ATP11A: variants seen among roughly 807,000 people sequenced by gnomAD.
ATP11A encodes phospholipid-transporting ATPase IH.
ATP11A carries 81 observed loss-of-function variants against 154.4 expected under a neutral mutation model. The ratio of observed to expected loss-of-function variants is 0.52; its 90% CI spans 0.44 to 0.63. The LOEUF (loss-of-function observed/expected upper bound fraction) is 0.63. ATP11A is among the 30% of genes least tolerant of loss of function. ATP11A has a pLI of 0.00. For synonymous variants in ATP11A, 623 were observed against 585.9 expected (o/e 1.06, Z -0.91); for missense variants, 1,316 against 1,474.3 (o/e 0.89, Z 1.76).
chr13:112,792,158 C>G (rs183176151), intron 2 of ATP11A, among the ~76,000 whole-genome samples: 216 of 152,264 alleles, frequency 1.4e-3, no homozygotes, highest in African/African-American at 4.7e-3. Flanking sequence ...GGCAATACCT[C>G]TTTTGCTAAT....
Position 112,884,295 on chromosome 13 carries a change from A to G in ATP11A, c.*2429A>G, listed in dbSNP as rs927809130. 1 of 152,656 alleles carries G rather than the reference A, an allele frequency of 6.6e-6. No homozygotes were observed. Among genetic ancestry groups the G allele is most frequent in the African/African-American group, 2.4e-5 (1 of 41,456 alleles). 9.5% of individuals were successfully genotyped at this position (152,656 alleles called of 1,614,324 possible). A position where few individuals can be genotyped will look rare whatever the true frequency, so the allele number is the denominator to read the frequency against. On this transcript the variant is annotated 3_prime_UTR_variant, in exon 30 of 30. Transcript: ENST00000375645. ...TTTCTATGTTTCATTGTTAATTGCC[A>G]TCCTTCAGCCTTAAAAATAGAAGAT... is the stretch of plus-strand genomic sequence containing the variant.
chr13:112,825,662 C>G (rs559034428), intron 11 of ATP11A, 82 bp downstream of exon 11: 1 of 1,463,194 alleles, frequency 6.8e-7, no homozygotes. Context: ...AAAAAGATGA[C>G]GGTGAATTTA....
chr13:112,727,306 C>G (rs1889987953), intron 1 of ATP11A, among the ~76,000 whole-genome samples: 1 of 152,252 alleles, frequency 6.6e-6, no homozygotes, highest in African/African-American at 2.4e-5. Context: ...CTTGGCCTCC[C>G]AAAGTGCTGG....
intron 1 of ATP11A, among the ~76,000 whole-genome samples, chr13:112,751,064 G>A (rs747195310): frequency 1.8e-4 from 27 of 152,220 alleles, no homozygotes; most frequent in Non-Finnish European, 3.7e-4. Context: ...GAACCTTGGC[G>A]GTGGGGCCGC....
At chr13:112,708,666 GA>G (rs1418670394) in intron 1 of ATP11A, among the ~76,000 whole-genome samples, 1 of 152,252 alleles carries the variant, frequency 6.6e-6, no homozygotes, top group African/African-American at 2.4e-5. Context: ...GACTGAGTCT[GA>G]TGGACAGTTT....
intron 1 of ATP11A, among the ~76,000 whole-genome samples, chr13:112,749,138 C>T (rs2076629674): frequency 6.6e-6 from 1 of 152,200 alleles, no homozygotes; most frequent in Non-Finnish European, 1.5e-5. Context: ...ATGAGGCTGT[C>T]TGCTCTGGTG....
At chr13:112,842,444 TGTTCCACAA>T (rs1367688586) in intron 17 of ATP11A, 65 bp downstream of exon 17, 11 of 1,200,966 alleles carry the variant, frequency 9.2e-6, no homozygotes, top group South Asian at 1.3e-5. Context: ...AGGAATTCCA[TGTTCCACAA>T]GTTCCTGGCT....
intron 1 of ATP11A, among the ~76,000 whole-genome samples, chr13:112,740,040 T>C (rs775474291): frequency 2.7e-4 from 41 of 151,934 alleles, no homozygotes; most frequent in Non-Finnish European, 4.6e-4. Context: ...TAGAATTAGA[T>C]GGTGGTGACG....
In ATP11A at chr13:112,859,353, T is replaced by C. The variant is rs759351779; in HGVS notation, c.2668-40T>C. On this transcript the variant is annotated intron_variant, in intron 22 of 29. Transcript: ENST00000375645. This position sits in a 1 kb window ranked among gnomAD's most constrained non-coding sequence, Gnocchi z 4.3. ...TCGGTAGGTGGCGGCTGCCTCCCTC[T>C]GTCCCGTCACCGAACTAACAGTTAT... 1.9e-6 allele frequency: 3 copies of C among 1,591,742 alleles called. No individual in the cohort carries two copies. Among genetic ancestry groups the C allele is most frequent in the Non-Finnish European group, 2.6e-6 (3 of 1,159,704 alleles).
chr13:112,815,677 T>C (rs1286856870), intron 5 of ATP11A, among the ~76,000 whole-genome samples: 1 of 152,274 alleles, frequency 6.6e-6, no homozygotes, highest in Non-Finnish European at 1.5e-5. Context: ...GTCCTCATGC[T>C]TTGATGATCT....
intron 5 of ATP11A, among the ~76,000 whole-genome samples, chr13:112,815,156 C>A (rs1446042657): frequency 6.6e-6 from 1 of 152,236 alleles, no homozygotes; most frequent in Non-Finnish European, 1.5e-5. Context: ...CAGCCCAGAT[C>A]TGCAATGGCT....
chr13:112,856,105 G>C lies in ATP11A; in HGVS notation c.2418+20G>C, dbSNP rs373667262. The C allele has an allele frequency of 3.1e-6, 5 of 1,601,790 alleles. No individual in the cohort carries two copies. In the South Asian group the frequency reaches 3.3e-5, roughly 11 times the overall value. On this transcript the variant is annotated intron_variant, in intron 20 of 29. Transcript: ENST00000375645. ...GCTCAGGTGCTGCCCGCCCGTCCTCGATAGCTGGTGGTCAGGGCGTCCAAA... is the reference window on the plus strand; with the variant it reads ...GCTCAGGTGCTGCCCGCCCGTCCTCCATAGCTGGTGGTCAGGGCGTCCAAA...
At position 112,858,070 on chromosome 13, in the gene ATP11A, G is replaced by A. The variant is rs557309724; in HGVS notation, c.2522-75G>A. The A allele has an allele frequency of 1.2e-4, 186 of 1,584,904 alleles. 1 individual carries two copies. Among genetic ancestry groups the A allele is most frequent in the Admixed American group, 6.6e-4 (39 of 58,862 alleles). On this transcript the variant is annotated intron_variant, in intron 21 of 29. Coordinates refer to ENST00000375645, the MANE Select transcript of ATP11A (RefSeq NM_015205.3). The stretch of plus-strand genomic sequence containing the variant: ...AAGGCTCATGATGATGGTTTCATCC[G>A]TTCTTCTCCCCGTCCCTGCCCTGTG...
At chr13:112,827,741 G>A (rs114132850) in intron 12 of ATP11A, among the ~76,000 whole-genome samples, 8 of 152,346 alleles carry the variant, frequency 5.3e-5, no homozygotes, top group African/African-American at 1.9e-4. Flanking sequence ...TCTCCATCTC[G>A]CTCCCAGATG....
intron 26 of ATP11A, 193 bp from the exon 27 acceptor site, chr13:112,873,380 G>T (rs113174634): frequency 5.5e-6 from 3 of 548,756 alleles, no homozygotes; most frequent in African/African-American, 2.0e-5. Flanking sequence ...TGTGAGGTGT[G>T]GCTTTGTCTT....
chr13:112,841,993 G>C (rs927638354), intron 16 of ATP11A, among the ~76,000 whole-genome samples: 3 of 152,164 alleles, frequency 2.0e-5, no homozygotes, highest in Non-Finnish European at 2.9e-5. Flanking sequence ...GTCCCCTTTC[G>C]TGTCTTTCCC....
In ATP11A at chr13:112,884,706, A is replaced by T. The variant is rs1310522937; in HGVS notation, c.*2840A>T. On this transcript the variant is annotated 3_prime_UTR_variant, in exon 30 of 30. Transcript: ENST00000375645. ...CAGGTTAATAAATTATCAATTTGTA[A>T]TTCAGCATGTTGGTCAGAGACACGG... The T allele has an allele frequency of 6.6e-6, 1 of 152,304 alleles. No homozygotes were observed. The highest frequency in any genetic ancestry group is 2.4e-5 in the African/African-American group (1 of 41,440). The allele number at this position is 152,304 out of a possible 1,614,324, so 9.4% of individuals were successfully genotyped here.
chr13:112,830,912 T>C (rs545217312), intron 12 of ATP11A, among the ~76,000 whole-genome samples: 1 of 152,320 alleles, frequency 6.6e-6, no homozygotes, highest in African/African-American at 2.4e-5. Context: ...CCTTACATGG[T>C]ATTGTAGGTT....
At chr13:112,782,155 G>A (rs1182915814) in intron 1 of ATP11A, among the ~76,000 whole-genome samples, 1 of 152,242 alleles carries the variant, frequency 6.6e-6, no homozygotes, top group Non-Finnish European at 1.5e-5. Flanking sequence ...AATGATAAAC[G>A]TCTGCTCGCC....
Sources: allele counts gnomAD v4.1 joint callset (sites outside exome capture counted in the v4.1 genomes callset), GRCh38; gene constraint gnomAD v4.1.1; non-coding constraint Gnocchi (gnomAD v3.1); transcripts MANE v1.5; gene names NCBI Gene and HGNC (gene_info 2026-07-23, HGNC 2026-07-21).